KAT14: variants seen among roughly 807,000 people sequenced by gnomAD.
KAT14 encodes the protein lysine acetyltransferase 14.
Under a neutral mutation model 78.4 loss-of-function variants are expected in KAT14, and 66 were observed. The observed-to-expected ratio is 0.84, with a 90% confidence interval of 0.69 to 1.03. The LOEUF is 1.03. Among genes scored for constraint, KAT14 ranks in the 50% least tolerant of loss-of-function variants. KAT14 has a pLI of 0.00. For missense variants in KAT14, 870 were observed against 972.5 expected (o/e 0.89, Z 1.40); for synonymous variants, 344 against 359.4 (o/e 0.96, Z 0.48).
intron 4 of KAT14, among the ~76,000 whole-genome samples, chr20:18,156,946 A>G (rs1315667933): frequency 2.0e-5 from 3 of 152,244 alleles, no homozygotes; most frequent in Non-Finnish European, 4.4e-5. Flanking sequence ...CGATAATTTT[A>G]TAAACATTTA....
At chr20:18,169,386 TTCTG>T (rs2038770146) in intron 7 of KAT14, among the ~76,000 whole-genome samples, 1 of 152,230 alleles carries the variant, frequency 6.6e-6, no homozygotes, top group African/African-American at 2.4e-5. Context: ...TGTGCTTACT[TTCTG>T]TCTCTGTGTC....
intron 4 of KAT14, among the ~76,000 whole-genome samples, chr20:18,157,450 T>G (rs2038264680): frequency 6.6e-6 from 1 of 152,206 alleles, no homozygotes; most frequent in African/African-American, 2.4e-5. Flanking sequence ...GTTTGTTTAT[T>G]GCAGTAAAAA....
chr20:18,179,863 C>T (rs1363780399), intron 7 of KAT14, among the ~76,000 whole-genome samples: 1 of 152,016 alleles, frequency 6.6e-6, no homozygotes, highest in Non-Finnish European at 1.5e-5. Context: ...GCACCCAAGT[C>T]ACTTTTGTTT....
At chr20:18,183,371 T>C (rs2039336268) in intron 9 of KAT14, 73 bp downstream of exon 9, 2 of 1,476,902 alleles carry the variant, frequency 1.4e-6, no homozygotes, top group South Asian at 2.9e-5. Context: ...AAAATTAGTT[T>C]ATGTGATATC....
chr20:18,140,914 G>A (rs915400634), intron 1 of KAT14, among the ~76,000 whole-genome samples: 3 of 149,268 alleles, frequency 2.0e-5, no homozygotes, highest in Non-Finnish European at 3.0e-5. Context: ...TGGGAGTGAA[G>A]TGGCACAATC....
rs1240466333 is a variant in KAT14 at position 18,181,741 on chromosome 20, A to T, written c.1700A>T (p.His567Leu). ...TSLPSRKGFR[H>L]QTTKFLYRLV... ...TTGCCGTCCAGGAAGGGATTTCGAC[A>T]CCAGACCACCAAGTTTTTGTATCGC... Residue 567 changes from histidine to leucine, a missense_variant, in exon 8 of 11, where the codon CAC (histidine) becomes CTC (leucine). His to Leu is a moderately conservative substitution (Grantham distance 99). Transcript: ENST00000688188. 1.9e-6 allele frequency: 3 copies of T among 1,614,042 alleles called. No homozygotes were observed. The Admixed American group carries it at 5.0e-5, about 27-fold the overall frequency.
intron 2 of KAT14, among the ~76,000 whole-genome samples, chr20:18,144,252 C>G (rs2037730451): frequency 6.6e-6 from 1 of 152,178 alleles, no homozygotes; most frequent in Non-Finnish European, 1.5e-5. Flanking sequence ...GTTTTTGCTT[C>G]TGAGCGGTCT....
chr20:18,150,751 CT>C, intron 3 of KAT14, 69 bp from the exon 4 acceptor site: 1 of 1,599,566 alleles, frequency 6.3e-7, no homozygotes, highest in Non-Finnish European at 8.5e-7. Context: ...ACAGAAGAAG[CT>C]TTTCCCCCCT....
chr20:18,160,507 A>G (rs916991186), intron 5 of KAT14, among the ~76,000 whole-genome samples: 1 of 152,184 alleles, frequency 6.6e-6, no homozygotes, highest in Non-Finnish European at 1.5e-5. Context: ...CATTACATCC[A>G]TTATATAATT....
intron 7 of KAT14, among the ~76,000 whole-genome samples, chr20:18,163,217 C>G (rs1009533342): frequency 6.6e-6 from 1 of 152,008 alleles, no homozygotes; most frequent in African/African-American, 2.4e-5. Context: ...TCTCTCTTGT[C>G]TCTCTCTCTC....
At position 18,187,809 on chromosome 20, in the gene KAT14, G is replaced by A; in HGVS notation, c.*350G>A. On this transcript the variant is annotated 3_prime_UTR_variant, in exon 11 of 11. Transcript: ENST00000688188. ...ATAACCTGTCTGTCATAACTTAAAGGATGAGAAAATGTGGTGTAGCTATTA... is the reference window on the plus strand; with the variant it reads ...ATAACCTGTCTGTCATAACTTAAAGAATGAGAAAATGTGGTGTAGCTATTA... 1 of 284,924 alleles carries A rather than the reference G, an allele frequency of 3.5e-6. No homozygotes were observed. The highest frequency in any genetic ancestry group is 6.6e-6 in the Non-Finnish European group (1 of 152,088). The allele number at this position is 284,924 out of a possible 1,614,324, so 17.6% of individuals were successfully genotyped here. A position where few individuals can be genotyped will look rare whatever the true frequency, so the allele number is the denominator to read the frequency against.
At chr20:18,180,755 TA>T (rs1297907308) in intron 7 of KAT14, among the ~76,000 whole-genome samples, 1 of 151,310 alleles carries the variant, frequency 6.6e-6, no homozygotes, top group African/African-American at 2.4e-5. Context: ...AACCCCTGAT[TA>T]AAAAAAACAA....
intron 1 of KAT14, among the ~76,000 whole-genome samples, chr20:18,141,051 T>TTTTTTTTTTTTTTTTTTTTTTTTG: frequency 1.8e-5 from 2 of 109,704 alleles, no homozygotes; most frequent in Admixed American, 1.1e-4. Context: ...TTTTTTATTT[T>TTTTTTTTTTTTTTTTTTTTTTTTG]TATTTTTGCT....
At chr20:18,180,383 C>T (rs1401159983) in intron 7 of KAT14, among the ~76,000 whole-genome samples, 2 of 152,188 alleles carry the variant, frequency 1.3e-5, no homozygotes, top group African/African-American at 2.4e-5. Context: ...TTGTTCATAT[C>T]ACTATCAGCA....
intron 8 of KAT14, among the ~76,000 whole-genome samples, chr20:18,182,498 T>C (rs1437288473): frequency 6.6e-6 from 1 of 152,220 alleles, no homozygotes; most frequent in Non-Finnish European, 1.5e-5. Flanking sequence ...GACATCTCAG[T>C]TGAGCCTCCA....
chr20:18,141,283 C>T (rs1421566570), intron 1 of KAT14, among the ~76,000 whole-genome samples: 1 of 152,026 alleles, frequency 6.6e-6, no homozygotes, highest in Non-Finnish European at 1.5e-5. Flanking sequence ...GCCAGGTCCA[C>T]GTTCTGAAGT....
intron 3 of KAT14, among the ~76,000 whole-genome samples, chr20:18,145,973 A>G (rs960645118): frequency 6.6e-6 from 1 of 152,168 alleles, no homozygotes; most frequent in Non-Finnish European, 1.5e-5. Context: ...TTGAAAATAG[A>G]TTTGGAAGAA....
intron 7 of KAT14, among the ~76,000 whole-genome samples, chr20:18,179,398 A>G (rs2039166917): frequency 2.0e-5 from 3 of 152,334 alleles, no homozygotes; most frequent in South Asian, 4.1e-4. Context: ...CCTGACAGCA[A>G]ACTTTTGCCT....
intron 7 of KAT14, among the ~76,000 whole-genome samples, chr20:18,168,280 C>T (rs757537139): frequency 1.3e-5 from 2 of 152,176 alleles, no homozygotes; most frequent in Non-Finnish European, 2.9e-5. Flanking sequence ...GTAATCCCAG[C>T]ACTTTGGGAG....
Sources: gnomAD v4.1 joint callset for allele counts (sites outside exome capture counted in the v4.1 genomes callset) on GRCh38, gnomAD v4.1.1 for gene constraint, MANE v1.5 for transcripts, NCBI Gene and HGNC (gene_info 2026-07-23, HGNC 2026-07-21) for gene names.